The following COP1 variants were observed in gnomAD, a reference collection of about 807,000 sequenced individuals.
COP1 encodes E3 ubiquitin-protein ligase COP1.
COP1 carries 24 observed loss-of-function variants against 101.3 expected under a neutral mutation model. The observed-to-expected ratio is 0.24, with a 90% CI of 0.17 to 0.33. COP1 has a LOEUF of 0.33. Ranked by LOEUF, COP1 falls within the 10% of genes least tolerant of loss-of-function variation. The pLI is 1.00. For synonymous variants in COP1, 347 were observed against 341.9 expected (o/e 1.01, Z -0.17); for missense variants, 663 against 906.2 (o/e 0.73, Z 3.45).
intron 11 of COP1, among the ~76,000 whole-genome samples, chr1:176,080,258 T>G (rs1261048665): frequency 6.6e-6 from 1 of 152,164 alleles, no homozygotes; most frequent in Non-Finnish European, 1.5e-5. Context: ...TCAGTTTTTT[T>G]TGTGATGTGG....
At chr1:176,036,188 C>CA in intron 14 of COP1, among the ~76,000 whole-genome samples, 1 of 151,534 alleles carries the variant, frequency 6.6e-6, no homozygotes, top group South Asian at 2.1e-4. Flanking sequence ...ATGTATATAA[C>CA]AAAAAATGTT....
intron 10 of COP1, among the ~76,000 whole-genome samples, chr1:176,081,814 A>G (rs918041925): frequency 6.6e-6 from 1 of 152,196 alleles, no homozygotes; most frequent in Non-Finnish European, 1.5e-5. Context: ...AAGACAGTAG[A>G]AAACTGCAAT....
At chr1:176,145,292 T>C (rs1691399890) in intron 6 of COP1, among the ~76,000 whole-genome samples, 1 of 152,110 alleles carries the variant, frequency 6.6e-6, no homozygotes, top group Admixed American at 6.6e-5. Context: ...ATTACAACCA[T>C]ATAACAGTGT....
At chr1:175,986,254 C>T (rs372600821) in intron 18 of COP1, among the ~76,000 whole-genome samples, 31 of 152,020 alleles carry the variant, frequency 2.0e-4, no homozygotes, top group East Asian at 1.2e-3. Context: ...CTCCTGACCT[C>T]GTGATTTGCC....
chr1:176,166,351 T>C (rs897545741), intron 3 of COP1, among the ~76,000 whole-genome samples: 1 of 152,196 alleles, frequency 6.6e-6, no homozygotes, highest in Non-Finnish European at 1.5e-5. Context: ...GATCTTGAAC[T>C]CTTGGCCTCG....
chr1:176,134,179 A>G (rs1689421801), intron 8 of COP1, among the ~76,000 whole-genome samples: 1 of 152,000 alleles, frequency 6.6e-6, no homozygotes, highest in East Asian at 1.9e-4. Flanking sequence ...AATCTACCAT[A>G]GTAGAACTGG....
intron 15 of COP1, among the ~76,000 whole-genome samples, chr1:176,019,932 ATTTG>A (rs1056947893): frequency 2.6e-5 from 4 of 152,148 alleles, no homozygotes; most frequent in South Asian, 2.1e-4. Flanking sequence ...TATGTTCATG[ATTTG>A]TTTATTTTAA....
chr1:176,077,925 G>A (rs375926607), intron 11 of COP1, among the ~76,000 whole-genome samples: 2 of 114,090 alleles, frequency 1.8e-5, no homozygotes, highest in African/African-American at 6.1e-5. Flanking sequence ...AAATAACTAG[G>A]AACTCATCTA....
rs114247969 is a variant in COP1 at position 176,170,123 on chromosome 1, C to T, written c.565+5787G>A. Among the ~76,000 whole-genome samples the T allele has an allele frequency of 1.9e-3, 288 of 152,312 alleles. 3 individuals are homozygous for T. Among genetic ancestry groups the T allele is most frequent in the African/African-American group, 6.7e-3 (278 of 41,572 alleles). On this transcript the variant is annotated intron_variant, in intron 3 of 19. Coordinates refer to ENST00000367669, the MANE Select transcript of COP1 (RefSeq NM_022457.7). The stretch of plus-strand genomic sequence containing the variant: ...TCCATTTCTAATTCTAGCTCTCTGG[C>T]TACTTCCTCCACATATGCAGTTACT...
intron 6 of COP1, among the ~76,000 whole-genome samples, chr1:176,137,302 C>A (rs1383870430): frequency 2.6e-5 from 4 of 152,180 alleles, no homozygotes; most frequent in African/African-American, 9.6e-5. Flanking sequence ...TTTAAGTTGC[C>A]TGCAAACTAT....
At chr1:176,148,349 C>T (rs1691899396) in intron 6 of COP1, among the ~76,000 whole-genome samples, 1 of 149,462 alleles carries the variant, frequency 6.7e-6, no homozygotes, top group Non-Finnish European at 1.5e-5. Context: ...CCTAATTAGA[C>T]AATTCTTAAC....
Position 175,988,675 on chromosome 1 carries a change from A to G in COP1, c.1848-263T>C, listed in dbSNP as rs958196613. 1.7e-5 allele frequency: 5 copies of G among 290,796 alleles called. No homozygotes were observed. The South Asian group carries it at 2.6e-4, about 15-fold the overall frequency. 18.0% of individuals were successfully genotyped at this position (290,796 alleles called of 1,614,324 possible). ...TAGCAAAACACCGTCTCTACTAAAA[A>G]TACAAAAATTAGTCGGGCGTGGTAG... is the stretch of plus-strand genomic sequence containing the variant. On this transcript the variant is annotated intron_variant, in intron 16 of 19. Transcript: ENST00000367669.
In COP1 at chr1:175,944,961, G is replaced by A. The variant is rs905113024; in HGVS notation, c.*192C>T. On this transcript the variant is annotated 3_prime_UTR_variant, in exon 20 of 20. Transcript: ENST00000367669. ...GGAGTTACATTGATGGTGGAGAGTT[G>A]GCTGGGTATTCCCAATGTCCCAAAG... 1.8e-6 allele frequency: 1 copy of A among 568,798 alleles called. No individual in the cohort carries two copies. The highest frequency in any genetic ancestry group is 2.0e-5 in the African/African-American group (1 of 49,960). The allele number at this position is 568,798 out of a possible 1,614,324, so 35.2% of individuals were successfully genotyped here. A position where few individuals can be genotyped will look rare whatever the true frequency, so the allele number is the denominator to read the frequency against.
chr1:176,046,161 C>G lies in COP1; in HGVS notation c.1421+20G>C, dbSNP rs770020824. 6.3e-7 allele frequency: 1 copy of G among 1,585,650 alleles called. No homozygotes were observed. The highest frequency in any genetic ancestry group is 8.6e-7 in the Non-Finnish European group (1 of 1,166,766). ...TTGTTACATCTATACTGCATCATGT[C>G]AAGAAAATAATGTAAATACCTGATT... On this transcript the variant is annotated intron_variant, in intron 12 of 19. Transcript: ENST00000367669.
intron 18 of COP1, among the ~76,000 whole-genome samples, chr1:175,974,038 T>C (rs1483989490): frequency 6.6e-6 from 1 of 152,164 alleles, no homozygotes; most frequent in African/African-American, 2.4e-5. Context: ...GGTTGTTAGA[T>C]GTCACATAAA....
intron 9 of COP1, among the ~76,000 whole-genome samples, chr1:176,090,640 G>A (rs1220492245): frequency 2.0e-5 from 3 of 151,972 alleles, no homozygotes; most frequent in Non-Finnish European, 4.4e-5. Flanking sequence ...TTAAGCCCAG[G>A]GACCGCAAGT....
chr1:176,071,507 T>C (rs1222429590), intron 11 of COP1, among the ~76,000 whole-genome samples: 1 of 152,110 alleles, frequency 6.6e-6, no homozygotes. Context: ...CTTAAACTGT[T>C]TGACATGAAT....
chr1:176,059,953 C>T (rs543154461), intron 11 of COP1, among the ~76,000 whole-genome samples: 6 of 152,066 alleles, frequency 3.9e-5, no homozygotes, highest in Middle Eastern at 3.4e-3. Flanking sequence ...AAATTTGACT[C>T]GCAGGTATTA....
chr1:176,160,253 ATCTTT>A, intron 5 of COP1: 4 of 349,108 alleles, frequency 1.1e-5, no homozygotes, highest in South Asian at 4.0e-5. Flanking sequence ...GCCCACACAC[ATCTTT>A]TTTTTTTTTT....
Sources: allele counts gnomAD v4.1 joint callset (sites outside exome capture counted in the v4.1 genomes callset), GRCh38; gene constraint gnomAD v4.1.1; transcripts MANE v1.5; gene names NCBI Gene and HGNC (gene_info 2026-07-23, HGNC 2026-07-21).